Variants in SGTB observed in about 807,000 individuals in gnomAD.
SGTB encodes small glutamine-rich tetratricopeptide repeat-containing protein beta.
In SGTB, 19 loss-of-function variants were observed where a neutral mutation model predicts 43.9. That is an observed-to-expected ratio of 0.43 (90% confidence interval 0.30 to 0.63). The LOEUF (loss-of-function observed/expected upper bound fraction) is 0.63, where lower values mean the gene tolerates loss of function less well. Among genes scored for constraint, SGTB ranks in the 30% least tolerant of loss-of-function variants. SGTB has a pLI of 0.12. For missense variants in SGTB, 304 were observed against 358.9 expected, an observed-to-expected ratio of 0.85 and a Z score of 1.24; for synonymous variants, 116 against 117.3, an observed-to-expected ratio of 0.99 and a Z score of 0.07.
chr5:65,708,224 C>T (rs1370442562), intron 4 of SGTB, among the ~76,000 whole-genome samples: 2 of 152,110 alleles, frequency 1.3e-5, no homozygotes, highest in South Asian at 2.1e-4. Context: ...TAGCAAAAAC[C>T]GAAGCAATTC....
intron 5 of SGTB, among the ~76,000 whole-genome samples, chr5:65,687,941 G>A (rs770832932): frequency 3.3e-5 from 5 of 152,002 alleles, no homozygotes; most frequent in Non-Finnish European, 7.4e-5. Flanking sequence ...GCTAATTTTC[G>A]TATTTTTAGT....
chr5:65,707,789 G>T (rs1485308286), intron 4 of SGTB, among the ~76,000 whole-genome samples: 2 of 152,000 alleles, frequency 1.3e-5, no homozygotes, highest in African/African-American at 2.4e-5. Flanking sequence ...TAAAGAAAAG[G>T]CTAGAAAATG....
At chr5:65,704,514 A>G (rs1757892683) in intron 4 of SGTB, 136 bp from the exon 5 acceptor site, 1 of 540,294 alleles carries the variant, frequency 1.9e-6, no homozygotes, top group African/African-American at 1.9e-5. Flanking sequence ...ACTGGAAAAA[A>G]TTTTACATTG....
In SGTB at chr5:65,667,896, G is replaced by A. The variant is rs1401198938; in HGVS notation, c.*2350C>T. The A allele has an allele frequency of 6.6e-6, 1 of 151,726 alleles. No individual in the cohort carries two copies. Among genetic ancestry groups the A allele is most frequent in the East Asian group, 1.9e-4 (1 of 5,180 alleles). The allele number at this position is 151,726 out of a possible 1,614,324, so 9.4% of individuals were successfully genotyped here. Reference sequence around the variant, plus strand: ...GTTCTAATGTCACAAAGGAGAAAGAGAAAAGTTGGATTTTAAACTTCAAGA... The same window carrying A: ...GTTCTAATGTCACAAAGGAGAAAGAAAAAAGTTGGATTTTAAACTTCAAGA... On this transcript the variant is annotated 3_prime_UTR_variant, in exon 11 of 11. Transcript: ENST00000381007.
intron 4 of SGTB, 128 bp downstream of exon 4, chr5:65,708,361 C>T (rs985949398): frequency 4.1e-5 from 29 of 700,012 alleles, no homozygotes; most frequent in Middle Eastern, 3.4e-4. Flanking sequence ...ATTTCTGTTT[C>T]GTAATTGCCA....
At position 65,682,550 on chromosome 5, in the gene SGTB, A is replaced by C. The variant is rs146794067; in HGVS notation, c.480-1756T>G. ...ACACTTGGATTCAAGATATATACAG[A>C]AACTAGAATTGACAGGACTTGATGA... is the stretch of plus-strand genomic sequence containing the variant. On this transcript the variant is annotated intron_variant, in intron 6 of 10. Transcript: ENST00000381007. Among the ~76,000 whole-genome samples, 144 of 152,304 alleles carry C rather than the reference A, an allele frequency of 9.5e-4. 1 individual carries two copies. Among genetic ancestry groups the C allele is most frequent in the African/African-American group, 3.4e-3 (140 of 41,578 alleles).
intron 5 of SGTB, among the ~76,000 whole-genome samples, chr5:65,697,735 T>G (rs1757739483): frequency 6.6e-6 from 1 of 152,206 alleles, no homozygotes. Context: ...CTAAACTTCT[T>G]AAGGATATGA....
At chr5:65,685,263 T>A (rs1388482665) in intron 6 of SGTB, 105 bp downstream of exon 6, 1 of 873,336 alleles carries the variant, frequency 1.1e-6, no homozygotes, top group Non-Finnish European at 1.8e-6. Flanking sequence ...ATCCTCTTAT[T>A]AGTTCAGAGG....
rs1481987229 is a variant in SGTB at position 65,704,043 on chromosome 5, A to AT, written c.374+235_374+236insA. 4.4e-3 allele frequency among the ~76,000 whole-genome samples: 361 copies of AT among 81,804 alleles called. 2 individuals carry two copies. Among genetic ancestry groups the AT allele is most frequent in the African/African-American group, 0.015 (348 of 23,326 alleles). The allele number at this position is 81,804 out of a possible 152,430, so 53.7% of individuals were successfully genotyped here. Reference sequence around the variant, plus strand: ...ACAGTGAGACTCCGTCTCAAAAAAAAAAAAAAAAATAAATAAATAAATAAA... The same window carrying AT: ...ACAGTGAGACTCCGTCTCAAAAAAAATAAAAAAAAATAAATAAATAAATAAA... On this transcript the variant is annotated intron_variant, in intron 5 of 10. Coordinates refer to ENST00000381007, the MANE Select transcript of SGTB (RefSeq NM_019072.3).
At chr5:65,672,762 A>AT (rs1376174865) in intron 8 of SGTB, among the ~76,000 whole-genome samples, 5 of 152,116 alleles carry the variant, frequency 3.3e-5, no homozygotes, top group African/African-American at 9.7e-5. Flanking sequence ...AAAGCATCAC[A>AT]TTTTTTCCCT....
rs1208187332 is a variant in SGTB at position 65,667,423 on chromosome 5, T to C, written c.*2823A>G. On this transcript the variant is annotated 3_prime_UTR_variant, in exon 11 of 11. Coordinates refer to ENST00000381007, the MANE Select transcript of SGTB (RefSeq NM_019072.3). Reference sequence around the variant, plus strand: ...AGTGACTAATTTTTAATTAAGGATCTATTTTGCTTTTTATATCACAGTAAT... The same window carrying C: ...AGTGACTAATTTTTAATTAAGGATCCATTTTGCTTTTTATATCACAGTAAT... The C allele has an allele frequency of 6.6e-6, 1 of 152,238 alleles. No individual in the cohort carries two copies. The highest frequency in any genetic ancestry group is 6.5e-5 in the Admixed American group (1 of 15,290). The allele number at this position is 152,238 out of a possible 1,614,324, so 9.4% of individuals were successfully genotyped here. A position where few individuals can be genotyped will look rare whatever the true frequency, so the allele number is the denominator to read the frequency against.
chr5:65,678,877 C>T (rs940112884), intron 8 of SGTB, among the ~76,000 whole-genome samples: 4 of 152,018 alleles, frequency 2.6e-5, no homozygotes, highest in Admixed American at 1.3e-4. Context: ...ATGTGCAACT[C>T]AAAACTATAA....
At chr5:65,691,215 T>C (rs908769542) in intron 5 of SGTB, among the ~76,000 whole-genome samples, 1 of 152,162 alleles carries the variant, frequency 6.6e-6, no homozygotes, top group African/African-American at 2.4e-5. Flanking sequence ...CCTAGCTCTG[T>C]CCACTGAAAG....
At chr5:65,677,621 C>A (rs1307810746) in intron 8 of SGTB, among the ~76,000 whole-genome samples, 1 of 152,124 alleles carries the variant, frequency 6.6e-6, no homozygotes, top group Non-Finnish European at 1.5e-5. Context: ...ATCCAAGCAG[C>A]ACATCAAAAA....
intron 5 of SGTB, among the ~76,000 whole-genome samples, chr5:65,704,031 G>C (rs1002495036): frequency 1.2e-5 from 1 of 84,252 alleles, no homozygotes; most frequent in Admixed American, 1.2e-4. Flanking sequence ...GTGAGACTCC[G>C]TCTCAAAAAA....
intron 1 of SGTB, 50 bp from the exon 2 acceptor site, chr5:65,720,879 T>C: frequency 6.4e-7 from 1 of 1,555,712 alleles, no homozygotes. Flanking sequence ...AAAGAATCAG[T>C]CAGGAAAGTC....
In SGTB at chr5:65,667,073, C is replaced by A. The variant is rs1028087185; in HGVS notation, c.*3173G>T. 6.6e-6 allele frequency: 1 copy of A among 152,152 alleles called. No individual in the cohort carries two copies. Among genetic ancestry groups the A allele is most frequent in the African/African-American group, 2.4e-5 (1 of 41,440 alleles). The allele number at this position is 152,152 out of a possible 1,614,324, so 9.4% of individuals were successfully genotyped here. On this transcript the variant is annotated 3_prime_UTR_variant, in exon 11 of 11. Coordinates refer to ENST00000381007, the MANE Select transcript of SGTB (RefSeq NM_019072.3). ...CTTTACTGGAAGGTTTTTAACTTAA[C>A]CACAAACTCAATTTCCTTAATAAAT...
At chr5:65,704,049 A>AAAAAT (rs1554025721) in intron 5 of SGTB, among the ~76,000 whole-genome samples, 2 of 139,694 alleles carry the variant, frequency 1.4e-5, no homozygotes, top group African/African-American at 5.3e-5. Context: ...AAAAAAAAAA[A>AAAAAT]AAATAAATAA....
chr5:65,702,430 T>C (rs994561965), intron 5 of SGTB, among the ~76,000 whole-genome samples: 2 of 152,168 alleles, frequency 1.3e-5, no homozygotes, highest in African/African-American at 4.8e-5. Context: ...CTCCTGCCAG[T>C]ACCTCCATGG....
Sources: allele counts gnomAD v4.1 joint callset (sites outside exome capture counted in the v4.1 genomes callset), GRCh38; gene constraint gnomAD v4.1.1; transcripts MANE v1.5; gene names NCBI Gene and HGNC (gene_info 2026-07-23, HGNC 2026-07-21).